PLPPR1: variants seen among roughly 807,000 people sequenced by gnomAD.
The protein encoded by PLPPR1 is phospholipid phosphatase-related protein type 1.
A neutral mutation model predicts 33.1 loss-of-function variants in PLPPR1; 10 were observed. That is an observed-to-expected ratio of 0.30 (90% CI 0.19 to 0.51). PLPPR1 has a LOEUF of 0.51. Ranked by LOEUF, PLPPR1 falls within the 20% of genes least tolerant of loss-of-function variation. The pLI is 0.97. For missense variants in PLPPR1, 304 were observed against 408.1 expected, an observed-to-expected ratio of 0.74 and a Z score of 2.20; for synonymous variants, 151 against 151.0, an observed-to-expected ratio of 1.00 and a Z score of 0.00.
At chr9:101,249,047 C>G (rs1564016092) in intron 2 of PLPPR1, among the ~76,000 whole-genome samples, 2 of 152,078 alleles carry the variant, frequency 1.3e-5, no homozygotes, top group African/African-American at 2.4e-5. Flanking sequence ...GGTAGAACCA[C>G]CATGATTATA....
chr9:101,116,436 A>G (rs920438960), intron 1 of PLPPR1, among the ~76,000 whole-genome samples: 1 of 152,226 alleles, frequency 6.6e-6, no homozygotes, highest in African/African-American at 2.4e-5. Context: ...TGCCCAGTTC[A>G]TGGAAAGCCT....
intron 1 of PLPPR1, among the ~76,000 whole-genome samples, chr9:101,096,535 A>T (rs1010578820): frequency 6.6e-6 from 1 of 152,202 alleles, no homozygotes; most frequent in Non-Finnish European, 1.5e-5. Flanking sequence ...GCAAAAGGGT[A>T]GGTAATAGTT....
chr9:101,118,182 C>T (rs916150546), intron 1 of PLPPR1, among the ~76,000 whole-genome samples: 1 of 152,182 alleles, frequency 6.6e-6, no homozygotes, highest in Non-Finnish European at 1.5e-5. Context: ...GAGGCTATGA[C>T]CTGCTGTGGG....
chr9:101,158,880 C>T (rs1831735571), intron 1 of PLPPR1, among the ~76,000 whole-genome samples: 1 of 152,314 alleles, frequency 6.6e-6, no homozygotes, highest in South Asian at 2.1e-4. Context: ...TACATGCTAG[C>T]ACCAATTGCT....
chr9:101,187,533 T>C (rs1826225425), intron 2 of PLPPR1: 1 of 151,922 alleles, frequency 6.6e-6, no homozygotes, highest in Admixed American at 6.6e-5. Context: ...GTCTTAGAAA[T>C]AGGCAGGCAA....
Position 101,207,204 on chromosome 9 carries a change from T to C in PLPPR1, c.63+21647T>C, listed in dbSNP as rs1044083518. Among the ~76,000 whole-genome samples the C allele has an allele frequency of 9.2e-5, 14 of 152,216 alleles. No homozygotes were observed. The East Asian group carries it at 2.5e-3, about 27-fold the overall frequency. On this transcript the variant is annotated intron_variant, in intron 2 of 7. Transcript: ENST00000374874. ...AATAAATATTGGCTCAGGGAATGAG[T>C]AGATAAACCTTTAAAAAAAATCTAA...
chr9:101,246,101 T>G lies in PLPPR1; in HGVS notation c.64-23779T>G, dbSNP rs865872357. ...ATATATATATATATATATATATATATATATATATAGATAGATAGATAGATT... is the reference window on the plus strand; with the variant it reads ...ATATATATATATATATATATATATAGATATATATAGATAGATAGATAGATT... On this transcript the variant is annotated intron_variant, in intron 2 of 7. Transcript: ENST00000374874. Among the ~76,000 whole-genome samples, 118 of 103,998 alleles carry G rather than the reference T, an allele frequency of 1.1e-3. 3 individuals carry two copies. Among genetic ancestry groups the G allele is most frequent in the African/African-American group, 4.1e-3 (103 of 25,046 alleles). 68.2% of individuals were successfully genotyped at this position (103,998 alleles called of 152,430 possible).
At chr9:101,250,272 C>T (rs1245402329) in intron 2 of PLPPR1, among the ~76,000 whole-genome samples, 2 of 152,044 alleles carry the variant, frequency 1.3e-5, no homozygotes. Context: ...TGGGTCTTCT[C>T]TCACCCTGTG....
At chr9:101,078,312 G>A (rs1190551203) in intron 1 of PLPPR1, among the ~76,000 whole-genome samples, 1 of 149,616 alleles carries the variant, frequency 6.7e-6, no homozygotes, top group East Asian at 2.0e-4. Flanking sequence ...CTAGATGTGA[G>A]CAGGTCCTGT....
intron 1 of PLPPR1, among the ~76,000 whole-genome samples, chr9:101,077,601 C>A (rs143082740): frequency 2.6e-4 from 40 of 152,218 alleles, no homozygotes; most frequent in African/African-American, 9.6e-4. Context: ...CAGAATAGCA[C>A]CTGTGAGGGG....
At chr9:101,071,636 G>T (rs10989372) in intron 1 of PLPPR1, among the ~76,000 whole-genome samples, 5,811 of 147,500 alleles carry the variant, frequency 0.039, 170 homozygotes, top group East Asian at 0.082. Context: ...GACAGACAGA[G>T]ATAGTACAAG....
At chr9:101,279,356 G>A (rs1387086974) in intron 3 of PLPPR1, among the ~76,000 whole-genome samples, 15 of 152,196 alleles carry the variant, frequency 9.9e-5, no homozygotes, top group Admixed American at 9.8e-4. Context: ...TAGAGCCAGA[G>A]AGATAGACCT....
intron 2 of PLPPR1, among the ~76,000 whole-genome samples, chr9:101,237,978 C>CGTATAT (rs1464878741): frequency 1.3e-5 from 1 of 75,306 alleles, no homozygotes; most frequent in African/African-American, 7.8e-5. Context: ...GGCTATATAG[C>CGTATAT]CTATATATAT....
chr9:101,183,460 G>A (rs1257568277), intron 1 of PLPPR1, among the ~76,000 whole-genome samples: 6 of 151,728 alleles, frequency 4.0e-5, no homozygotes, highest in African/African-American at 1.2e-4. Flanking sequence ...AGGCAAATCT[G>A]TAGAGTCAGA....
intron 4 of PLPPR1, among the ~76,000 whole-genome samples, chr9:101,289,564 T>A (rs1469175962): frequency 6.6e-6 from 1 of 152,250 alleles, no homozygotes; most frequent in East Asian, 1.9e-4. Flanking sequence ...AGGAGATAAC[T>A]TGAATCCTGG....
At chr9:101,078,386 T>A (rs897571141) in intron 1 of PLPPR1, among the ~76,000 whole-genome samples, 3 of 151,968 alleles carry the variant, frequency 2.0e-5, no homozygotes, top group African/African-American at 7.3e-5. Context: ...TTTTAGGAAA[T>A]CTTTCTGTGT....
At chr9:101,209,762 G>A (rs1826656786) in intron 2 of PLPPR1, among the ~76,000 whole-genome samples, 1 of 152,180 alleles carries the variant, frequency 6.6e-6, no homozygotes, top group Non-Finnish European at 1.5e-5. Context: ...AGCTACTGAG[G>A]TAGTCACTCT....
At chr9:101,086,158 T>G (rs1380749501) in intron 1 of PLPPR1, among the ~76,000 whole-genome samples, 2 of 152,220 alleles carry the variant, frequency 1.3e-5, no homozygotes, top group Non-Finnish European at 2.9e-5. Flanking sequence ...TTAATGTAGC[T>G]TCTTGAACAC....
At chr9:101,250,989 T>C (rs1262361642) in intron 2 of PLPPR1, among the ~76,000 whole-genome samples, 1 of 152,050 alleles carries the variant, frequency 6.6e-6, no homozygotes, top group Non-Finnish European at 1.5e-5. Context: ...ATTCTATGGG[T>C]TCACTAACTA....
Sources: gnomAD v4.1 joint callset for allele counts (sites outside exome capture counted in the v4.1 genomes callset) on GRCh38, gnomAD v4.1.1 for gene constraint, MANE v1.5 for transcripts, NCBI Gene and HGNC (gene_info 2026-07-23, HGNC 2026-07-21) for gene names.